DAB1: variants seen among roughly 807,000 people sequenced by gnomAD.
DAB1 encodes DAB adaptor protein 1.
DAB1 carries 15 observed loss-of-function variants against 64.6 expected under a neutral mutation model. The observed-to-expected ratio is 0.23, with a 90% CI of 0.16 to 0.36. The LOEUF is 0.36. DAB1 is among the 10% of genes least tolerant of loss of function. DAB1 has a pLI of 1.00. For missense variants in DAB1, 596 were observed against 706.7 expected (o/e 0.84, Z 1.78); for synonymous variants, 235 against 251.9 (o/e 0.93, Z 0.64).
chr1:57,472,655 C>G (rs981424715), intron 7 of DAB1, among the ~76,000 whole-genome samples: 1 of 152,126 alleles, frequency 6.6e-6, no homozygotes, highest in African/African-American at 2.4e-5. Flanking sequence ...GACCCTCTCA[C>G]GCGCACCCCC....
chr1:57,079,379 T>A (rs1444452211), intron 4 of DAB1, among the ~76,000 whole-genome samples: 1 of 152,102 alleles, frequency 6.6e-6, no homozygotes. Flanking sequence ...GCTTGTCCAC[T>A]CCTCTCCATC....
chr1:57,339,322 A>C (rs1033952599), intron 1 of DAB1, among the ~76,000 whole-genome samples: 1 of 151,786 alleles, frequency 6.6e-6, no homozygotes, highest in African/African-American at 2.4e-5. Context: ...AGCCCAGCTA[A>C]TTTTTTTGTA....
chr1:57,523,419 T>A (rs1304995032), intron 7 of DAB1, among the ~76,000 whole-genome samples: 2 of 152,220 alleles, frequency 1.3e-5, no homozygotes, highest in Non-Finnish European at 2.9e-5. Flanking sequence ...TAGTTTCTAA[T>A]CAGCTCATAA....
At chr1:57,501,037 T>G (rs906920314) in intron 7 of DAB1, among the ~76,000 whole-genome samples, 5 of 152,240 alleles carry the variant, frequency 3.3e-5, no homozygotes, top group Admixed American at 6.5e-5. Context: ...CTGACTGGTA[T>G]TCCCCTTTGT....
chr1:58,411,596 G>C (rs574342776), intron 3 of DAB1, among the ~76,000 whole-genome samples: 1 of 152,234 alleles, frequency 6.6e-6, no homozygotes, highest in Non-Finnish European at 1.5e-5. Context: ...AAGAGAAAGA[G>C]AACTACTTTA....
intron 6 of DAB1, among the ~76,000 whole-genome samples, chr1:57,753,468 T>C (rs1022122764): frequency 9.2e-5 from 14 of 152,192 alleles, no homozygotes; most frequent in Non-Finnish European, 1.3e-4. Flanking sequence ...TCCTCCTTAG[T>C]AGCTCTCTGA....
intron 5 of DAB1, among the ~76,000 whole-genome samples, chr1:58,064,874 C>A (rs1648753258): frequency 6.6e-6 from 1 of 152,144 alleles, no homozygotes. Flanking sequence ...AGGCGCCCGC[C>A]ACCACGCCCG....
intron 9 of DAB1, among the ~76,000 whole-genome samples, chr1:57,034,278 C>CAAAAAAAAAAAAA (rs375684000): frequency 8.4e-5 from 10 of 119,246 alleles, no homozygotes; most frequent in African/African-American, 3.5e-4. Flanking sequence ...GACTCCATTT[C>CAAAAAAAAAAAAA]AAAAAAAAAA....
intron 7 of DAB1, among the ~76,000 whole-genome samples, chr1:57,631,585 T>G: frequency 6.6e-6 from 1 of 152,378 alleles, no homozygotes; most frequent in East Asian, 1.9e-4. Flanking sequence ...AAAATGTCCC[T>G]GATGTTTATA....
chr1:57,803,277 G>C (rs1264892499), intron 6 of DAB1, among the ~76,000 whole-genome samples: 1 of 152,244 alleles, frequency 6.6e-6, no homozygotes, highest in African/African-American at 2.4e-5. Context: ...CCATAACCTA[G>C]AGTGGACTAC....
chr1:58,253,929 C>T (rs868052505), intron 4 of DAB1, among the ~76,000 whole-genome samples: 1 of 152,114 alleles, frequency 6.6e-6, no homozygotes, highest in Non-Finnish European at 1.5e-5. Flanking sequence ...TCGCAGATAC[C>T]CTGAGAATCA....
Position 58,536,513 on chromosome 1 carries a change from T to C in DAB1, n.33-9178A>G, listed in dbSNP as rs1260629378. The stretch of plus-strand genomic sequence containing the variant: ...ATTAAAAACAACTCTTACTACTTAC[T>C]GCTTCATATTCCAGTTCCGATAAAA... On this transcript the variant is annotated intron_variant and non_coding_transcript_variant, in intron 1 of 20. Transcript: ENST00000485760. The C allele has an allele frequency of 5.7e-6, 5 of 870,530 alleles. No individual in the cohort carries two copies. The South Asian group carries it at 6.5e-5, about 11-fold the overall frequency. 53.9% of individuals were successfully genotyped at this position (870,530 alleles called of 1,614,324 possible). A position where few individuals can be genotyped will look rare whatever the true frequency, so the allele number is the denominator to read the frequency against.
chr1:57,905,753 T>TGAG (rs1167211484), intron 5 of DAB1, among the ~76,000 whole-genome samples: 2 of 151,836 alleles, frequency 1.3e-5, no homozygotes, highest in Non-Finnish European at 2.9e-5. Context: ...ATACAGAGAT[T>TGAG]GAGAAGAAGA....
intron 1 of DAB1, among the ~76,000 whole-genome samples, chr1:57,306,628 C>T (rs1039455908): frequency 4.7e-5 from 7 of 150,306 alleles, no homozygotes; most frequent in South Asian, 2.1e-4. Context: ...TTGGTAAATT[C>T]GGAAAACAGT....
intron 4 of DAB1, among the ~76,000 whole-genome samples, chr1:58,178,465 G>GT (rs1357188069): frequency 6.6e-6 from 1 of 152,072 alleles, no homozygotes; most frequent in African/African-American, 2.4e-5. Flanking sequence ...GTTAAACTGA[G>GT]TTTGCTTCAG....
chr1:57,728,940 G>C (rs1368917968), intron 6 of DAB1, among the ~76,000 whole-genome samples: 2 of 150,328 alleles, frequency 1.3e-5, no homozygotes, highest in African/African-American at 5.0e-5. Context: ...AATGTTATTA[G>C]CCTGTCTTTT....
At chr1:58,459,663 T>G (rs889908354) in intron 3 of DAB1, among the ~76,000 whole-genome samples, 1 of 152,258 alleles carries the variant, frequency 6.6e-6, no homozygotes, top group East Asian at 1.9e-4. Flanking sequence ...CTATCATTAA[T>G]ACTTTATTCT....
intron 7 of DAB1, among the ~76,000 whole-genome samples, chr1:57,628,989 A>G (rs1280980896): frequency 1.3e-5 from 2 of 152,194 alleles, no homozygotes; most frequent in Non-Finnish European, 2.9e-5. Context: ...TTAGCCGCCT[A>G]TTTGATCTCT....
intron 1 of DAB1, among the ~76,000 whole-genome samples, chr1:58,537,540 ACT>A (rs1232950667): frequency 1.3e-5 from 2 of 148,364 alleles, no homozygotes; most frequent in East Asian, 2.0e-4. Flanking sequence ...AGGCAACAAT[ACT>A]CTCTGCCACT....
Sources: allele counts gnomAD v4.1 joint callset (sites outside exome capture counted in the v4.1 genomes callset), GRCh38; gene constraint gnomAD v4.1.1; transcripts MANE v1.5; gene names NCBI Gene and HGNC (gene_info 2026-07-23, HGNC 2026-07-21).